Variants in SIRT6 observed in about 807,000 individuals in gnomAD.
SIRT6 encodes the protein sirtuin 6.
A neutral mutation model predicts 33.6 loss-of-function variants in SIRT6; 21 were observed. That is an observed-to-expected ratio of 0.62 (90% CI 0.44 to 0.90). The LOEUF (loss-of-function observed/expected upper bound fraction) is 0.90, where lower values mean the gene tolerates loss of function less well. SIRT6 is among the 40% of genes least tolerant of loss of function. The pLI is 0.00. For missense variants in SIRT6, 504 were observed against 510.6 expected (o/e 0.99, Z 0.12); for synonymous variants, 221 against 223.9 (o/e 0.99, Z 0.12).
intron 3 of SIRT6, among the ~76,000 whole-genome samples, chr19:4,177,932 C>T (rs1967400324): frequency 6.6e-6 from 1 of 151,998 alleles, no homozygotes; most frequent in Non-Finnish European, 1.5e-5. Flanking sequence ...TACCATGTGG[C>T]CGGGATGGTC....
chr19:4,180,569 C>T, intron 2 of SIRT6: 3 of 478,596 alleles, frequency 6.3e-6, no homozygotes, highest in Non-Finnish European at 1.1e-5. Flanking sequence ...TTAGTAGAGA[C>T]AGGGATTCAC....
Position 4,176,043 on chromosome 19 carries a change from G to A in SIRT6, c.438-106C>T. 4 of 965,264 alleles carry A rather than the reference G, an allele frequency of 4.1e-6. No individual in the cohort carries two copies. The South Asian group carries it at 6.0e-5, about 14-fold the overall frequency. The allele number at this position is 965,264 out of a possible 1,614,324, so 59.8% of individuals were successfully genotyped here. On this transcript the variant is annotated intron_variant, in intron 4 of 7. Coordinates refer to ENST00000337491, the MANE Select transcript of SIRT6 (RefSeq NM_016539.4). ...TCCCAGGGAGGTGGGGGGTGGACAG[G>A]TGACCAGAACTAGCACCCAGCGACA...
intron 2 of SIRT6, 102 bp from the exon 3 acceptor site, chr19:4,179,388 A>C: frequency 7.9e-7 from 1 of 1,265,174 alleles, no homozygotes; most frequent in Non-Finnish European, 1.1e-6. Flanking sequence ...AGAGAGAGAA[A>C]ATCAGGAGAC....
chr19:4,177,393 C>T (rs546006791), intron 3 of SIRT6, among the ~76,000 whole-genome samples: 4 of 152,168 alleles, frequency 2.6e-5, no homozygotes, highest in South Asian at 2.1e-4. Flanking sequence ...CCTTAGATAA[C>T]GGGAAGCCCT....
intron 4 of SIRT6, among the ~76,000 whole-genome samples, chr19:4,176,271 T>C (rs907919039): frequency 6.6e-6 from 1 of 152,140 alleles, no homozygotes; most frequent in Non-Finnish European, 1.5e-5. Flanking sequence ...GAGAAGGCGA[T>C]GTCCACTTTA....
In SIRT6 at chr19:4,174,598, C is replaced by G; in HGVS notation, c.*19G>C. On this transcript the variant is annotated 3_prime_UTR_variant, in exon 8 of 8. Coordinates refer to ENST00000337491, the MANE Select transcript of SIRT6 (RefSeq NM_016539.4). The surrounding 1 kb of genome is among the most constrained non-coding windows in gnomAD (Gnocchi z 4.2). ...TCCACAGTTTCTACAAAAAGCCCCA[C>G]CCTCCCCAAGCACCCTGGTCAGCTG... The G allele has an allele frequency of 7.0e-7, 1 of 1,421,558 alleles. No individual in the cohort carries two copies. 88.1% of individuals were successfully genotyped at this position (1,421,558 alleles called of 1,614,324 possible). A position where few individuals can be genotyped will look rare whatever the true frequency, so the allele number is the denominator to read the frequency against.
intron 2 of SIRT6, chr19:4,179,637 C>T: frequency 3.5e-6 from 1 of 285,732 alleles, no homozygotes. Context: ...CTGCAATGAG[C>T]CCGACGATGC....
Position 4,180,859 on chromosome 19 carries a change from C to G in SIRT6, c.117G>C (p.Arg39Ser), listed in dbSNP as rs745727264. 3 of 1,613,638 alleles carry G rather than the reference C, an allele frequency of 1.9e-6. No individual in the cohort carries two copies. The highest frequency in any genetic ancestry group is 1.7e-5 in the Admixed American group (1 of 59,950). ...ELERKVWELA[R>S]LVWQSSSVVF... ...CCACACTGGAAGACTGCCAGACCAGCCTCGCCAGTTCCCACACCTTCCGCT... is the reference window on the plus strand; with the variant it reads ...CCACACTGGAAGACTGCCAGACCAGGCTCGCCAGTTCCCACACCTTCCGCT... Residue 39 changes from arginine to serine, a missense_variant, in exon 2 of 8, where the codon AGG becomes AGC. Transcript: ENST00000337491.
Position 4,179,221 on chromosome 19 carries a change from T to A in SIRT6, c.260A>T (p.Glu87Val). 6.2e-7 allele frequency: 1 copy of A among 1,610,858 alleles called. No homozygotes were observed. Among genetic ancestry groups the A allele is most frequent in the Non-Finnish European group, 8.5e-7 (1 of 1,179,130 alleles). ...GTGGGTCTGCGTGGGCCGCGCGCTC[T>A]CAAAGGTGGTGTCGAACTTGGGGGC... is the stretch of plus-strand genomic sequence containing the variant. ...GLAPKFDTTF[E>V]SARPTQTHMA... is the part of the protein sequence containing the mutation. Residue 87 changes from glutamate to valine, a missense_variant, in exon 3 of 8, where the codon GAG (glutamate) becomes GTG (valine). Transcript: ENST00000337491.
chr19:4,180,989 T>A (rs1967617156), intron 1 of SIRT6, 80 bp from the exon 2 acceptor site: 2 of 1,500,820 alleles, frequency 1.3e-6, no homozygotes, highest in Middle Eastern at 2.0e-4. Flanking sequence ...CAGACTGAGC[T>A]GTCCCTGTCT....
chr19:4,178,606 T>C (rs1283405656), intron 3 of SIRT6, among the ~76,000 whole-genome samples: 1 of 151,978 alleles, frequency 6.6e-6, no homozygotes, highest in Non-Finnish European at 1.5e-5. Flanking sequence ...CCCCAGCACT[T>C]TGGGAGGCTG....
chr19:4,174,817 G>C lies in SIRT6; in HGVS notation c.868C>G (p.Pro290Ala). ...TCCAGCTTGGGGGTGGGCGGGCGGGGCAGGGGTGGCAGCGCCCTCTCCAGC... is the reference window on the plus strand; with the variant it reads ...TCCAGCTTGGGGGTGGGCGGGCGGGCCAGGGGTGGCAGCGCCCTCTCCAGC... ...RVLERALPPLPRPPTPKLEPK... is the reference protein window; with the variant it reads ...RVLERALPPLARPPTPKLEPK... The change falls in exon 8 of 8, where the codon CCC (proline) becomes GCC (alanine). Residue 290 changes from proline (P) to alanine (A), a missense_variant. Physicochemically the swap from Pro to Ala is conservative, Grantham distance 27. Transcript: ENST00000337491. This position sits in a 1 kb window ranked among gnomAD's most constrained non-coding sequence, Gnocchi z 4.2. 25 of 447,484 alleles carry C rather than the reference G, an allele frequency of 5.6e-5. No individual in the cohort carries two copies. The highest frequency in any genetic ancestry group is 1.1e-4 in the Non-Finnish European group (25 of 228,992). 27.7% of individuals were successfully genotyped at this position (447,484 alleles called of 1,614,324 possible). A position where few individuals can be genotyped will look rare whatever the true frequency, so the allele number is the denominator to read the frequency against.
intron 4 of SIRT6, among the ~76,000 whole-genome samples, chr19:4,176,232 G>A (rs2145162422): frequency 6.6e-6 from 1 of 152,338 alleles, no homozygotes; most frequent in Non-Finnish European, 1.5e-5. Flanking sequence ...GAGCATGGGG[G>A]CGACAGGCCG....
At chr19:4,181,383 T>G (rs985614254) in intron 1 of SIRT6, among the ~76,000 whole-genome samples, 6 of 152,192 alleles carry the variant, frequency 3.9e-5, no homozygotes, top group African/African-American at 1.2e-4. Context: ...CCCTAGTCAG[T>G]CTCCCTTACT....
rs774393151 is a variant in SIRT6 at position 4,174,852 on chromosome 19, C to A, written c.833G>T (p.Gly278Val). Residue 278 changes from glycine (G) to valine (V), a missense_variant, in exon 8 of 8, where the codon GGC becomes GTC. Gly to Val is a moderately radical substitution (Grantham distance 109). Transcript: ENST00000337491. This position sits in a 1 kb window ranked among gnomAD's most constrained non-coding sequence, Gnocchi z 4.2. ...CAGCGCCCTCTCCAGCACACGGGGG[C>A]CGTCCCAGGCGGGGATCTCCAGCCC... The part of the protein sequence containing the change: ...HLGLEIPAWD[G>V]PRVLERALPP... The A allele has an allele frequency of 1.3e-6, 2 of 1,597,716 alleles. No homozygotes were observed.
At chr19:4,182,322 G>A (rs1967746397) in intron 1 of SIRT6, 152 bp downstream of exon 1, 3 of 737,786 alleles carry the variant, frequency 4.1e-6, no homozygotes, top group African/African-American at 3.7e-5. Context: ...CGGCGCGCAG[G>A]GGCGTCACTT....
intron 3 of SIRT6, among the ~76,000 whole-genome samples, chr19:4,178,147 C>T (rs1297978476): frequency 2.0e-5 from 3 of 151,948 alleles, no homozygotes; most frequent in Admixed American, 6.6e-5. Flanking sequence ...CTGACTCAGC[C>T]TCCCGAGTAG....
intron 6 of SIRT6, 193 bp from the exon 7 acceptor site, chr19:4,175,344 C>T (rs973633945): frequency 2.2e-5 from 17 of 770,310 alleles, no homozygotes; most frequent in Admixed American, 2.9e-5. Flanking sequence ...TTGATCTGGG[C>T]GGGCCCTTAG....
In SIRT6 at chr19:4,174,456, C is replaced by T; in HGVS notation, c.*161G>A. 1.7e-6 allele frequency: 1 copy of T among 596,304 alleles called. No homozygotes were observed. Among genetic ancestry groups the T allele is most frequent in the Non-Finnish European group, 2.6e-6 (1 of 381,434 alleles). 36.9% of individuals were successfully genotyped at this position (596,304 alleles called of 1,614,324 possible). A position where few individuals can be genotyped will look rare whatever the true frequency, so the allele number is the denominator to read the frequency against. On this transcript the variant is annotated 3_prime_UTR_variant, in exon 8 of 8. Coordinates refer to ENST00000337491, the MANE Select transcript of SIRT6 (RefSeq NM_016539.4). This position sits in a 1 kb window ranked among gnomAD's most constrained non-coding sequence, Gnocchi z 4.2. ...GGAACCGCACCAGAGGCCCCTGGAG[C>T]CCAGGGAGGGACCACGGAGGGCAGG...
Sources: gnomAD v4.1 joint callset for allele counts (sites outside exome capture counted in the v4.1 genomes callset) on GRCh38, gnomAD v4.1.1 for gene constraint, Gnocchi (gnomAD v3.1) non-coding constraint, MANE v1.5 for transcripts, NCBI Gene and HGNC (gene_info 2026-07-23, HGNC 2026-07-21) for gene names.